ELP2: variants seen among roughly 807,000 people sequenced by gnomAD.
ELP2 encodes elongator complex protein 2.
ELP2 carries 90 observed loss-of-function variants against 119.2 expected under a neutral mutation model. The ratio of observed to expected loss-of-function variants is 0.75; its 90% confidence interval spans 0.64 to 0.90. The LOEUF (loss-of-function observed/expected upper bound fraction) is 0.90. Ranked by LOEUF, ELP2 falls within the 40% of genes least tolerant of loss-of-function variation. The pLI, the probability that ELP2 is intolerant of heterozygous loss-of-function variation, is 0.00. For synonymous variants in ELP2, 339 were observed against 331.0 expected (o/e 1.02, Z -0.26); for missense variants, 921 against 967.8 (o/e 0.95, Z 0.64).
chr18:36,148,557 C>A (rs1007789482), intron 11 of ELP2, among the ~76,000 whole-genome samples: 1 of 152,084 alleles, frequency 6.6e-6, no homozygotes, highest in Admixed American at 6.6e-5. Context: ...GGCCAGGGAT[C>A]CTTTACATCA....
intron 18 of ELP2, among the ~76,000 whole-genome samples, chr18:36,166,335 T>TTTG (rs2090903473): frequency 1.6e-5 from 2 of 124,038 alleles, no homozygotes; most frequent in Non-Finnish European, 3.4e-5. Context: ...TTTTTTTTTT[T>TTTG]TTTTTTTTTT....
rs2090159670 is a variant in ELP2, at chr18:36,145,187, T to G, written c.892+153T>G. ...ACAAAGTATAATACTGCATTCCTGG[T>G]CTGCTGGACACTCAGTTCCATTGAA... On this transcript the variant is annotated intron_variant, in intron 9 of 21. Transcript: ENST00000358232. 1.0e-5 allele frequency: 7 copies of G among 672,684 alleles called. 1 individual carries two copies. The South Asian group carries it at 1.1e-4, about 10-fold the overall frequency. 41.7% of individuals were successfully genotyped at this position (672,684 alleles called of 1,614,324 possible).
At chr18:36,136,906 TCTGTC>T (rs2089845960) in intron 3 of ELP2, among the ~76,000 whole-genome samples, 1 of 152,236 alleles carries the variant, frequency 6.6e-6, no homozygotes, top group African/African-American at 2.4e-5. Flanking sequence ...ACCCCACACT[TCTGTC>T]ATGTTATGTT....
intron 2 of ELP2, among the ~76,000 whole-genome samples, chr18:36,136,010 T>C (rs1220506584): frequency 6.6e-6 from 1 of 152,210 alleles, no homozygotes; most frequent in Non-Finnish European, 1.5e-5. Flanking sequence ...AATTTTTGAA[T>C]GTGATAATTG....
At chr18:36,169,927 C>T in intron 19 of ELP2, 136 bp from the exon 20 acceptor site, 1 of 1,133,656 alleles carries the variant, frequency 8.8e-7, no homozygotes. Flanking sequence ...CCTGGCACAC[C>T]ATACACGAAT....
At position 36,138,399 on chromosome 18, in the gene ELP2, C is replaced by T. The variant is rs200469142; in HGVS notation, c.418C>T (p.Arg140Ter). Residue 140 changes from arginine (R) to a stop codon, truncating the protein, a stop_gained, in exon 4 of 22, where the codon CGA becomes TGA. Transcript: ENST00000358232. LOFTEE classifies it high-confidence loss of function. Reference protein sequence around the residue: ...IVSAAADSAVRLWSKKGPEVM... With the variant: ...IVSAAADSAV Reference sequence around the variant, plus strand: ...TTCTGCAGCTGCAGATTCTGCTGTTCGACTCTGGTCTAAAAAGGGTCCAGA... The same window carrying T: ...TTCTGCAGCTGCAGATTCTGCTGTTTGACTCTGGTCTAAAAAGGGTCCAGA... 3.1e-5 allele frequency: 50 copies of T among 1,613,980 alleles called. No individual in the cohort carries two copies. The highest frequency in any genetic ancestry group is 2.3e-4 in the Admixed American group (14 of 60,006).
At chr18:36,164,342 C>A (rs748705854) in intron 17 of ELP2, 133 bp from the exon 18 acceptor site, 80 of 777,966 alleles carry the variant, frequency 1.0e-4, no homozygotes, top group Non-Finnish European at 1.6e-4. Context: ...AGTATGTTAT[C>A]TCCTAGGAAT....
intron 2 of ELP2, among the ~76,000 whole-genome samples, chr18:36,133,897 G>GTTTTTTTTTTTTTTT (rs57135329): frequency 3.3e-5 from 2 of 60,804 alleles, no homozygotes; most frequent in African/African-American, 1.5e-4. Context: ...TTTTTTAGGG[G>GTTTTTTTTTTTTTTT]TTTTTTTTTT....
Position 36,175,932 on chromosome 18 carries a change from T to A in ELP2, c.*1291T>A, listed in dbSNP as rs2091213632. 1 of 152,102 alleles carries A rather than the reference T, an allele frequency of 6.6e-6. No homozygotes were observed. The highest frequency in any genetic ancestry group is 1.5e-5 in the Non-Finnish European group (1 of 68,020). The allele number at this position is 152,102 out of a possible 1,614,324, so 9.4% of individuals were successfully genotyped here. On this transcript the variant is annotated 3_prime_UTR_variant, in exon 22 of 22. Coordinates refer to ENST00000358232, the MANE Select transcript of ELP2 (RefSeq NM_018255.4). Reference sequence around the variant, plus strand: ...TTAACATATTTTGCTTCCAAAGGGGTTAAGATGTTTTACCTAAATGGAGGT... The same window carrying A: ...TTAACATATTTTGCTTCCAAAGGGGATAAGATGTTTTACCTAAATGGAGGT...
At position 36,177,243 on chromosome 18, in the gene ELP2, A is replaced by C. The variant is rs144295480; in HGVS notation, c.*2602A>C. The C allele has an allele frequency of 1.3e-3, 205 of 152,294 alleles. 2 individuals carry two copies. The highest frequency in any genetic ancestry group is 4.7e-3 in the African/African-American group (195 of 41,552). The allele number at this position is 152,294 out of a possible 1,614,324, so 9.4% of individuals were successfully genotyped here. A position where few individuals can be genotyped will look rare whatever the true frequency, so the allele number is the denominator to read the frequency against. On this transcript the variant is annotated 3_prime_UTR_variant, in exon 22 of 22. Coordinates refer to ENST00000358232, the MANE Select transcript of ELP2 (RefSeq NM_018255.4). ...GGCACCATTATTCACAGTAGCTAAG[A>C]GATGGAAGCAATATGTGCCCATCAG...
intron 18 of ELP2, chr18:36,165,025 G>T: frequency 3.8e-6 from 1 of 262,500 alleles, no homozygotes; most frequent in Non-Finnish European, 7.5e-6. Flanking sequence ...GGATTTTATG[G>T]GACAGGAATA....
chr18:36,169,168 C>T (rs2091001492), intron 19 of ELP2, among the ~76,000 whole-genome samples: 1 of 151,702 alleles, frequency 6.6e-6, no homozygotes, highest in African/African-American at 2.4e-5. Context: ...TCAAGCAGTC[C>T]ACCCATCTCG....
chr18:36,152,874 C>A (rs1434313775), intron 11 of ELP2, among the ~76,000 whole-genome samples: 1 of 152,246 alleles, frequency 6.6e-6, no homozygotes, highest in East Asian at 1.9e-4. Context: ...ACTGATGATA[C>A]CAGTCTATAA....
intron 12 of ELP2, among the ~76,000 whole-genome samples, chr18:36,155,428 TA>T (rs2090543770): frequency 6.6e-6 from 1 of 152,046 alleles, no homozygotes; most frequent in Non-Finnish European, 1.5e-5. Context: ...CATGATGAGA[TA>T]CCACCACACA....
At position 36,158,851 on chromosome 18, in the gene ELP2, C is replaced by G; in HGVS notation, c.1481C>G (p.Pro494Arg). The change falls in exon 14 of 22, where the codon CCA becomes CGA. Residue 494 changes from proline (P) to arginine (R), a missense_variant. By Grantham distance (103) the Pro-to-Arg change is moderately radical (BLOSUM62 -2). Transcript: ENST00000358232. ...HVLCNQDSDLPEGATVPALGL... is the reference protein window; with the variant it reads ...HVLCNQDSDLREGATVPALGL... ...CTATTCTAGCAAGATAGTGATCTTC[C>G]AGAAGGAGCCACTGTCCCTGCATTG... 1 of 1,606,132 alleles carries G rather than the reference C, an allele frequency of 6.2e-7. No individual in the cohort carries two copies. The highest frequency in any genetic ancestry group is 8.5e-7 in the Non-Finnish European group (1 of 1,172,838).
intron 18 of ELP2, among the ~76,000 whole-genome samples, chr18:36,166,549 C>T (rs1225812536): frequency 6.6e-6 from 1 of 151,768 alleles, no homozygotes; most frequent in African/African-American, 2.4e-5. Context: ...GCAGGCTGGT[C>T]TTGAACTCCT....
At chr18:36,169,916 T>C in intron 19 of ELP2, 147 bp from the exon 20 acceptor site, 10 of 1,034,980 alleles carry the variant, frequency 9.7e-6, no homozygotes, top group Non-Finnish European at 1.3e-5. Flanking sequence ...TGCTCTCAAG[T>C]CCTGGCACAC....
Position 36,132,260 on chromosome 18 carries a change from A to G in ELP2, c.139-978A>G, listed in dbSNP as rs188231191. Reference sequence around the variant, plus strand: ...AAATAAAGTTTTGGGAATGATGCTCATTCAGCAAATCTTCGACGACCATCT... The same window carrying G: ...AAATAAAGTTTTGGGAATGATGCTCGTTCAGCAAATCTTCGACGACCATCT... On this transcript the variant is annotated intron_variant, in intron 1 of 21. Coordinates refer to ENST00000358232, the MANE Select transcript of ELP2 (RefSeq NM_018255.4). 5.9e-5 allele frequency among the ~76,000 whole-genome samples: 9 copies of G among 152,316 alleles called. No homozygotes were observed. The East Asian group carries it at 1.5e-3, about 26-fold the overall frequency.
chr18:36,170,970 GAAC>G, intron 20 of ELP2, 74 bp from the exon 21 acceptor site: 1 of 1,047,428 alleles, frequency 9.5e-7, no homozygotes, highest in South Asian at 1.3e-5. Flanking sequence ...ACACTGTGAA[GAAC>G]TACTTTAGAG....
Sources: gnomAD v4.1 joint callset for allele counts (sites outside exome capture counted in the v4.1 genomes callset) on GRCh38, gnomAD v4.1.1 for gene constraint, MANE v1.5 for transcripts, NCBI Gene and HGNC (gene_info 2026-07-23, HGNC 2026-07-21) for gene names.